The following ADGRG6 variants were observed in gnomAD, a reference collection of about 807,000 sequenced individuals.
ADGRG6 encodes adhesion G protein-coupled receptor G6, also known as G-protein coupled receptor 126.
In ADGRG6, 84 loss-of-function variants were observed where a neutral mutation model predicts 142.4. The ratio of observed to expected loss-of-function variants is 0.59; its 90% CI spans 0.49 to 0.71. The LOEUF is 0.71. Among genes scored for constraint, ADGRG6 ranks in the 30% least tolerant of loss-of-function variants. ADGRG6 has a pLI of 0.00. For synonymous variants in ADGRG6, 521 were observed against 520.5 expected, an observed-to-expected ratio of 1.00 and a Z score of -0.01; for missense variants, 1,367 against 1,466.6, an observed-to-expected ratio of 0.93 and a Z score of 1.11.
intron 6 of ADGRG6, among the ~76,000 whole-genome samples, chr6:142,385,074 T>C (rs1164249994): frequency 6.6e-6 from 1 of 152,090 alleles, no homozygotes; most frequent in Non-Finnish European, 1.5e-5. Context: ...TGTATGAACA[T>C]ACAAAGAGCC....
At chr6:142,428,626 C>G (rs867465397) in intron 22 of ADGRG6, among the ~76,000 whole-genome samples, 1 of 152,110 alleles carries the variant, frequency 6.6e-6, no homozygotes, top group African/African-American at 2.4e-5. Flanking sequence ...GCAGGCACAT[C>G]TTACATGGTG....
intron 2 of ADGRG6, among the ~76,000 whole-genome samples, chr6:142,358,050 A>G (rs1780537882): frequency 6.6e-6 from 1 of 152,216 alleles, no homozygotes; most frequent in South Asian, 2.1e-4. Flanking sequence ...GAAGTTAGTT[A>G]TGTGCTGTTT....
intron 7 of ADGRG6, among the ~76,000 whole-genome samples, chr6:142,392,020 T>C (rs1285694504): frequency 6.6e-6 from 1 of 151,954 alleles, no homozygotes; most frequent in African/African-American, 2.4e-5. Context: ...GACATTTTTG[T>C]TTAAAATGCA....
At chr6:142,434,393 C>T (rs184843550) in intron 22 of ADGRG6, among the ~76,000 whole-genome samples, 15 of 151,446 alleles carry the variant, frequency 9.9e-5, no homozygotes, top group Admixed American at 3.3e-4. Context: ...GGCACGATCT[C>T]GGCTCACTGC....
intron 2 of ADGRG6, among the ~76,000 whole-genome samples, chr6:142,343,202 G>A (rs1405027095): frequency 6.6e-6 from 1 of 151,358 alleles, no homozygotes; most frequent in Middle Eastern, 3.7e-3. Flanking sequence ...TGTTACCTAA[G>A]TGCCTATGCA....
At chr6:142,322,523 G>C (rs1778567432) in intron 2 of ADGRG6, among the ~76,000 whole-genome samples, 1 of 149,748 alleles carries the variant, frequency 6.7e-6, no homozygotes, top group African/African-American at 2.6e-5. Flanking sequence ...ACATTCAAAA[G>C]TTTGGGTTAT....
rs752059839 is a variant in ADGRG6, at chr6:142,361,383, A to G, written c.104-6186A>G. ...CTGTGCGTCAACAAGCTCTCGGATG[A>G]TGCCCATGCTGCTTGTCTGAGATCC... On this transcript the variant is annotated intron_variant, in intron 2 of 24. Coordinates refer to ENST00000367609, the MANE Select transcript of ADGRG6 (RefSeq NM_198569.3). Among the ~76,000 whole-genome samples the G allele has an allele frequency of 4.1e-4, 63 of 152,158 alleles. 1 individual carries two copies. The highest frequency in any genetic ancestry group is 3.9e-4 in the East Asian group (2 of 5,186).
chr6:142,305,328 C>A (rs764547815), intron 1 of ADGRG6, among the ~76,000 whole-genome samples: 1 of 151,556 alleles, frequency 6.6e-6, no homozygotes, highest in Non-Finnish European at 1.5e-5. Flanking sequence ...AAGAACACAC[C>A]TCTATACCTT....
chr6:142,351,159 G>A (rs1288330907), intron 2 of ADGRG6, among the ~76,000 whole-genome samples: 2 of 152,094 alleles, frequency 1.3e-5, no homozygotes, highest in Admixed American at 6.6e-5. Context: ...GAGAACTCAG[G>A]AGGCGGAGCT....
At chr6:142,376,336 A>G (rs1007505555) in intron 4 of ADGRG6, among the ~76,000 whole-genome samples, 8 of 152,222 alleles carry the variant, frequency 5.3e-5, no homozygotes, top group Non-Finnish European at 1.2e-4. Context: ...AACGCAATGA[A>G]TAGTCTAAGT....
chr6:142,306,563 A>G (rs769165623), intron 1 of ADGRG6, among the ~76,000 whole-genome samples: 4 of 152,076 alleles, frequency 2.6e-5, no homozygotes, highest in Non-Finnish European at 4.4e-5. Context: ...TTTTTTTTGC[A>G]TAATCTTTAG....
chr6:142,434,757 C>T (rs1022158761), intron 22 of ADGRG6, among the ~76,000 whole-genome samples: 3 of 152,152 alleles, frequency 2.0e-5, no homozygotes, highest in Middle Eastern at 3.4e-3. Flanking sequence ...TTATAGACAG[C>T]ACCTATTAAG....
intron 9 of ADGRG6, among the ~76,000 whole-genome samples, chr6:142,396,344 A>G (rs1043927530): frequency 6.6e-6 from 1 of 152,076 alleles, no homozygotes; most frequent in Non-Finnish European, 1.5e-5. Flanking sequence ...TATGGCTTGT[A>G]TGCGAATGGT....
intron 1 of ADGRG6, among the ~76,000 whole-genome samples, chr6:142,308,525 G>A (rs1434193042): frequency 6.6e-6 from 1 of 151,880 alleles, no homozygotes; most frequent in East Asian, 1.9e-4. Flanking sequence ...GCAGGCTTTA[G>A]GGTAGATATT....
chr6:142,351,727 C>T (rs1302611347), intron 2 of ADGRG6, among the ~76,000 whole-genome samples: 1 of 152,096 alleles, frequency 6.6e-6, no homozygotes, highest in Non-Finnish European at 1.5e-5. Context: ...AGCTTCTGCA[C>T]AGCAAATGAA....
chr6:142,394,467 GT>G (rs1775066736), intron 9 of ADGRG6, among the ~76,000 whole-genome samples: 1 of 151,962 alleles, frequency 6.6e-6, no homozygotes, highest in African/African-American at 2.4e-5. Context: ...CAGTTGGCAT[GT>G]AAGGACCAAA....
intron 1 of ADGRG6, chr6:142,302,651 A>G: frequency 2.7e-6 from 1 of 374,394 alleles, no homozygotes; most frequent in Non-Finnish European, 4.8e-6. Context: ...TTCAAATTAA[A>G]CAAGGAGTAA....
At chr6:142,318,567 T>G (rs1378680300) in intron 2 of ADGRG6, among the ~76,000 whole-genome samples, 1 of 149,766 alleles carries the variant, frequency 6.7e-6, no homozygotes, top group Non-Finnish European at 1.5e-5. Context: ...GATGTGCGAT[T>G]TAGTAGAATT....
At chr6:142,408,662 CAG>C (rs894191608) in intron 16 of ADGRG6, among the ~76,000 whole-genome samples, 38 of 152,224 alleles carry the variant, frequency 2.5e-4, no homozygotes, top group African/African-American at 8.4e-4. Flanking sequence ...AACAAAGAAA[CAG>C]GGGAGGGTGG....
Sources: allele counts gnomAD v4.1 joint callset (sites outside exome capture counted in the v4.1 genomes callset), GRCh38; gene constraint gnomAD v4.1.1; transcripts MANE v1.5; gene names NCBI Gene and HGNC (gene_info 2026-07-23, HGNC 2026-07-21).